Variants in PLEKHA6 observed in about 807,000 individuals in gnomAD.
The protein encoded by PLEKHA6 is pleckstrin homology domain-containing family A member 6.
Under a neutral mutation model 116.7 loss-of-function variants are expected in PLEKHA6, and 60 were observed. That is an observed-to-expected ratio of 0.51 (90% CI 0.42 to 0.64). The LOEUF (loss-of-function observed/expected upper bound fraction) is 0.64, where lower values mean the gene tolerates loss of function less well. Ranked by LOEUF, PLEKHA6 falls within the 30% of genes least tolerant of loss-of-function variation. The pLI is 0.00. For synonymous variants in PLEKHA6, 489 were observed against 556.1 expected (o/e 0.88, Z 1.70); for missense variants, 1,338 against 1,422.7 (o/e 0.94, Z 0.96).
intron 1 of PLEKHA6, among the ~76,000 whole-genome samples, chr1:204,345,243 T>C (rs780319035): frequency 1.9e-4 from 29 of 152,290 alleles, no homozygotes; most frequent in Middle Eastern, 3.4e-3. Flanking sequence ...TGGGATGCTT[T>C]CTATTTTGAT....
rs1662381344 is a variant in PLEKHA6 at position 204,238,566 on chromosome 1, T to C, written c.2409+2809A>G. Among the ~76,000 whole-genome samples, 1 of 152,066 alleles carries C rather than the reference T, an allele frequency of 6.6e-6. No individual in the cohort carries two copies. The highest frequency in any genetic ancestry group is 2.1e-4 in the South Asian group (1 of 4,816). On this transcript the variant is annotated intron_variant, in intron 17 of 22. Transcript: ENST00000272203. The surrounding 1 kb of genome is among the most constrained non-coding windows in gnomAD (Gnocchi z 4.2). The stretch of plus-strand genomic sequence containing the variant: ...GCAGCATTCCATCATCAAATGGAAG[T>C]GGTATATATGTGATCAGGCTCGAGC...
At chr1:204,249,693 T>A (rs1664275989) in intron 10 of PLEKHA6, among the ~76,000 whole-genome samples, 1 of 152,142 alleles carries the variant, frequency 6.6e-6, no homozygotes, top group Admixed American at 6.5e-5. Flanking sequence ...CCCTTCTCTC[T>A]CAAGATCCTG....
At chr1:204,291,841 T>A (rs1669796305) in intron 1 of PLEKHA6, among the ~76,000 whole-genome samples, 1 of 152,208 alleles carries the variant, frequency 6.6e-6, no homozygotes, top group South Asian at 2.1e-4. Flanking sequence ...GTTAATTATC[T>A]CAATTGTGTT....
chr1:204,282,976 G>T (rs1025589278), intron 1 of PLEKHA6, among the ~76,000 whole-genome samples: 3 of 152,184 alleles, frequency 2.0e-5, no homozygotes, highest in African/African-American at 7.2e-5. Flanking sequence ...CGGATCCCAA[G>T]GGGTAACAGG....
intron 13 of PLEKHA6, 119 bp from the exon 14 acceptor site, chr1:204,245,845 TGTACAC>T (rs1663583584): frequency 3.3e-6 from 2 of 605,114 alleles, no homozygotes; most frequent in Non-Finnish European, 5.8e-6. Flanking sequence ...AGGCACCCTG[TGTACAC>T]ACACACACAC....
intron 17 of PLEKHA6, among the ~76,000 whole-genome samples, chr1:204,232,663 G>C (rs1661357949): frequency 6.6e-6 from 1 of 152,206 alleles, no homozygotes; most frequent in East Asian, 1.9e-4. Flanking sequence ...GCAGGAAATA[G>C]GCTAATAGAG....
intron 3 of PLEKHA6, among the ~76,000 whole-genome samples, chr1:204,271,465 AC>A (rs1194061251): frequency 6.6e-6 from 1 of 152,226 alleles, no homozygotes; most frequent in African/African-American, 2.4e-5. Context: ...AACATTACTA[AC>A]AAAAATACAC....
chr1:204,312,903 T>TTCCC (rs1315258699), intron 1 of PLEKHA6, among the ~76,000 whole-genome samples: 1 of 150,756 alleles, frequency 6.6e-6, no homozygotes, highest in Non-Finnish European at 1.5e-5. Context: ...TTCTTTTCCT[T>TTCCC]TCCCTCCCTT....
intron 8 of PLEKHA6, among the ~76,000 whole-genome samples, chr1:204,258,260 C>T (rs1236944464): frequency 6.6e-6 from 1 of 152,132 alleles, no homozygotes; most frequent in Non-Finnish European, 1.5e-5. Context: ...AGGGCGGCTT[C>T]CTGATCTATT....
intron 1 of PLEKHA6, among the ~76,000 whole-genome samples, chr1:204,321,676 A>G (rs1672068024): frequency 2.0e-5 from 3 of 152,012 alleles, no homozygotes; most frequent in South Asian, 4.1e-4. Context: ...CACTCTGTGC[A>G]TCTGATCTTA....
chr1:204,268,522 A>G (rs1312369893), intron 3 of PLEKHA6, among the ~76,000 whole-genome samples: 1 of 151,872 alleles, frequency 6.6e-6, no homozygotes, highest in Non-Finnish European at 1.5e-5. Context: ...TTTCTAAAAT[A>G]GGGCTCAAAA....
intron 3 of PLEKHA6, among the ~76,000 whole-genome samples, chr1:204,366,179 C>G (rs1323560727): frequency 6.6e-6 from 1 of 152,112 alleles, no homozygotes; most frequent in Non-Finnish European, 1.5e-5. Flanking sequence ...TCTCTAGAGC[C>G]ATGTACCAAA....
chr1:204,371,403 C>T (rs1276600075), intron 2 of PLEKHA6: 3 of 152,250 alleles, frequency 2.0e-5, no homozygotes, highest in Admixed American at 6.5e-5. Context: ...AGTCCAAATG[C>T]TAAGCTGAGT....
At chr1:204,233,063 A>G (rs1211417131) in intron 17 of PLEKHA6, among the ~76,000 whole-genome samples, 5 of 151,958 alleles carry the variant, frequency 3.3e-5, no homozygotes, top group Non-Finnish European at 5.9e-5. Context: ...TCAGCCTCCC[A>G]AAGTGCTGGG....
intron 1 of PLEKHA6, chr1:204,359,478 C>T (rs1281932270): frequency 3.2e-6 from 1 of 311,510 alleles, no homozygotes; most frequent in African/African-American, 2.3e-5. Flanking sequence ...ACAGGGGACT[C>T]TGGAGGTGGG....
intron 1 of PLEKHA6, among the ~76,000 whole-genome samples, chr1:204,377,010 C>T (rs570025170): frequency 6.6e-6 from 1 of 152,304 alleles, no homozygotes; most frequent in Non-Finnish European, 1.5e-5. Flanking sequence ...CAAAGGCGCG[C>T]TCTCTCTCAA....
intron 1 of PLEKHA6, chr1:204,313,637 T>A: frequency 1.0e-6 from 1 of 984,890 alleles, no homozygotes; most frequent in South Asian, 4.7e-5. Flanking sequence ...AAGGAAATCA[T>A]ATGATTCTCC....
At chr1:204,367,014 A>G (rs1180028858) in intron 3 of PLEKHA6, among the ~76,000 whole-genome samples, 1 of 152,228 alleles carries the variant, frequency 6.6e-6, no homozygotes, top group Non-Finnish European at 1.5e-5. Flanking sequence ...CCATCCCTGC[A>G]GAATCTGAGG....
intron 17 of PLEKHA6, among the ~76,000 whole-genome samples, chr1:204,234,564 T>G (rs1431114006): frequency 6.6e-6 from 1 of 152,174 alleles, no homozygotes; most frequent in Non-Finnish European, 1.5e-5. Flanking sequence ...TTTATATTTT[T>G]TATGCATATG....
Sources: gnomAD v4.1 joint callset for allele counts (sites outside exome capture counted in the v4.1 genomes callset) on GRCh38, gnomAD v4.1.1 for gene constraint, Gnocchi (gnomAD v3.1) non-coding constraint, MANE v1.5 for transcripts, NCBI Gene and HGNC (gene_info 2026-07-23, HGNC 2026-07-21) for gene names.